ZNF841: variants seen among roughly 807,000 people sequenced by gnomAD.
ZNF841 encodes zinc finger protein 841, also known as TCONS_00006091.
In ZNF841, 11 loss-of-function variants were observed where a neutral mutation model predicts 13.0. The ratio of observed to expected loss-of-function variants is 0.85; its 90% CI spans 0.53 to 1.40. ZNF841 has a LOEUF of 1.40. ZNF841 is among the 40% of genes most tolerant of loss of function. The probability of loss-of-function intolerance (pLI) is 0.00; values close to 1 mark genes in which losing one functional copy is unlikely to be tolerated. For synonymous variants in ZNF841, 369 were observed against 381.6 expected (o/e 0.97, Z 0.38); for missense variants, 1,068 against 1,139.5 (o/e 0.94, Z 0.90).
At chr19:52,086,272 A>T (rs1036221803) in intron 3 of ZNF841, among the ~76,000 whole-genome samples, 2 of 152,158 alleles carry the variant, frequency 1.3e-5, no homozygotes, top group African/African-American at 4.8e-5. Context: ...TGGATGGATC[A>T]TGGGGGTGGA....
chr19:52,060,563 T>C (rs1274738100), downstream of ZNF841, among the ~76,000 whole-genome samples: 1 of 152,112 alleles, frequency 6.6e-6, no homozygotes, highest in East Asian at 1.9e-4. Context: ...TTCTCCTTTT[T>C]CAGTCTTTCA....
chr19:52,094,547 T>C (rs562450250), intron 1 of ZNF841, among the ~76,000 whole-genome samples: 13 of 152,130 alleles, frequency 8.5e-5, no homozygotes, highest in Non-Finnish European at 1.5e-4. Flanking sequence ...CACGTATTTC[T>C]GCCTCTTTTC....
At chr19:52,060,970 G>C (rs2087387176), downstream of ZNF841, among the ~76,000 whole-genome samples, 3 of 152,200 alleles carry the variant, frequency 2.0e-5, no homozygotes, top group Non-Finnish European at 4.4e-5. Flanking sequence ...CCTAAGTTGA[G>C]AGCGTTAAAG....
intron 1 of ZNF841, 51 bp from the exon 2 acceptor site, chr19:52,094,022 GCCAAAAAAAA>G (rs1254649003): frequency 2.0e-5 from 3 of 151,544 alleles, no homozygotes; most frequent in Non-Finnish European, 4.4e-5. Flanking sequence ...ACAGAACAAA[GCCAAAAAAAA>G]CACCAAAGAC....
intron 3 of ZNF841, among the ~76,000 whole-genome samples, chr19:52,087,015 T>C (rs1173494998): frequency 1.3e-5 from 2 of 152,172 alleles, no homozygotes; most frequent in Non-Finnish European, 2.9e-5. Flanking sequence ...GAAACACAGT[T>C]AATGGTATGT....
At position 52,065,312 on chromosome 19, in the gene ZNF841, G is replaced by T; in HGVS notation, c.2570C>A (p.Ala857Glu). The change falls in exon 7 of 7, where the codon GCG becomes GAG. Residue 857 changes from alanine to glutamate, a missense_variant. Transcript: ENST00000594440. ...AGTGAGGCAAGACCGCCGCCCAAACGCCTTGCCACATTCCATACATTTGTA... is the reference window on the plus strand; with the variant it reads ...AGTGAGGCAAGACCGCCGCCCAAACTCCTTGCCACATTCCATACATTTGTA... Reference protein sequence around the residue: ...KPYKCMECGKAFGRRSCLTKH... With the variant: ...KPYKCMECGKEFGRRSCLTKH... 6.2e-7 allele frequency: 1 copy of T among 1,611,770 alleles called. No individual in the cohort carries two copies. The highest frequency in any genetic ancestry group is 1.1e-5 in the South Asian group (1 of 90,910).
In ZNF841 at chr19:52,067,584, C is replaced by T. The variant is rs909572999; in HGVS notation, c.298G>A (p.Glu100Lys). The change falls in exon 7 of 7, where the codon GAA becomes AAA. Residue 100 changes from glutamate (E) to lysine (K), a missense_variant. Physicochemically the swap from Glu to Lys is moderately conservative, Grantham distance 56 (BLOSUM62 1). Coordinates refer to ENST00000594440, the MANE Select transcript of ZNF841 (RefSeq NM_001136499.2). ...TGISPKCVIK[E>K]LPPIQNSNTG... ...TTACTGTTCTGTATTGGTGGTAATT[C>T]CTTGATCACACATTTAGGAGAGATA... 4 of 1,545,404 alleles carry T rather than the reference C, an allele frequency of 2.6e-6. No homozygotes were observed. Among genetic ancestry groups the T allele is most frequent in the African/African-American group, 1.4e-5 (1 of 71,998 alleles).
In ZNF841 at chr19:52,067,305, C is replaced by T. The variant is rs1211608092; in HGVS notation, c.577G>A (p.Gly193Ser). Residue 193 changes from glycine to serine, a missense_variant, in exon 7 of 7, where the codon GGT becomes AGT. Physicochemically the swap from Gly to Ser is moderately conservative, Grantham distance 56. Transcript: ENST00000594440. ...GCAGTTTGAAATTTCTGCAATTCACCCAGACCGGACTGAAACCTTAATATA... is the reference window on the plus strand; with the variant it reads ...GCAGTTTGAAATTTCTGCAATTCACTCAGACCGGACTGAAACCTTAATATA... ...QLILRFQSGL[G>S]ELQKFQTAEK... 6.4e-7 allele frequency: 1 copy of T among 1,551,748 alleles called. No homozygotes were observed. Among genetic ancestry groups the T allele is most frequent in the South Asian group, 1.2e-5 (1 of 83,972 alleles).
intron 4 of ZNF841, among the ~76,000 whole-genome samples, chr19:52,082,924 C>CA (rs1240465893): frequency 6.6e-6 from 1 of 151,798 alleles, no homozygotes; most frequent in Non-Finnish European, 1.5e-5. Context: ...ACTAAAAATA[C>CA]AAAAAATTAA....
chr19:52,058,849 A>AT, the ZNF841 span: 246 of 152,406 alleles, frequency 1.6e-3, no homozygotes, highest in African/African-American at 5.7e-3. Flanking sequence ...TTATTTATTT[A>AT]TTATTTATTT....
chr19:52,075,678 T>C (rs972533527), intron 6 of ZNF841, among the ~76,000 whole-genome samples: 3 of 152,038 alleles, frequency 2.0e-5, no homozygotes, highest in Admixed American at 6.6e-5. Context: ...CTCCAATCTA[T>C]ATGGATCAGA....
intron 1 of ZNF841, among the ~76,000 whole-genome samples, chr19:52,094,684 C>T (rs2088613359): frequency 6.6e-6 from 1 of 151,932 alleles, no homozygotes; most frequent in African/African-American, 2.4e-5. Context: ...TCCCTCTACT[C>T]TGCTTGTCAC....
At chr19:52,076,347 T>C in intron 5 of ZNF841, 175 bp from the exon 6 acceptor site, 1 of 748,384 alleles carries the variant, frequency 1.3e-6, no homozygotes, top group Non-Finnish European at 2.0e-6. Context: ...TCTAGCTCTC[T>C]CCCAAGAAAT....
chr19:52,085,816 A>T (rs1451462800), intron 3 of ZNF841, among the ~76,000 whole-genome samples: 3 of 152,226 alleles, frequency 2.0e-5, no homozygotes, highest in Non-Finnish European at 4.4e-5. Flanking sequence ...GAGATGAGGT[A>T]TTCAAACATC....
Position 52,064,469 on chromosome 19 carries a change from G to A in ZNF841, c.*638C>T, listed in dbSNP as rs1320661812. 1 of 149,188 alleles carries A rather than the reference G, an allele frequency of 6.7e-6. No homozygotes were observed. Among genetic ancestry groups the A allele is most frequent in the Non-Finnish European group, 1.5e-5 (1 of 67,060 alleles). 9.2% of individuals were successfully genotyped at this position (149,188 alleles called of 1,614,324 possible). A position where few individuals can be genotyped will look rare whatever the true frequency, so the allele number is the denominator to read the frequency against. On this transcript the variant is annotated 3_prime_UTR_variant, in exon 7 of 7. Transcript: ENST00000594440. The stretch of plus-strand genomic sequence containing the variant: ...ACAGAAATACCTGAGGCTAGGTAAT[G>A]TATAAAGAGGTTTAATTGACTCACA...
At chr19:52,088,759 G>A (rs73054189) in intron 3 of ZNF841, among the ~76,000 whole-genome samples, 178 bp downstream of exon 3, 31,958 of 151,880 alleles carry the variant, frequency 0.21, 4,653 homozygotes, top group African/African-American at 0.41. Flanking sequence ...ATTGCAGACC[G>A]CAGTAAAAAT....
Position 52,076,087 on chromosome 19 carries a change from C to A in ZNF841, c.228G>T (p.Ala76=). 1.3e-6 allele frequency: 2 copies of A among 1,553,826 alleles called. No individual in the cohort carries two copies. The highest frequency in any genetic ancestry group is 1.7e-6 in the Non-Finnish European group (2 of 1,148,078). The change falls in exon 6 of 7, where the codon GCG becomes GCT. Residue 76 remains alanine (A), a synonymous_variant. Transcript: ENST00000594440. The part of the protein sequence containing the change: ...PWTVVSQVKI[A]RNPNCGECMK... ...TGCATTCCCCACAGTTTGGGTTCCT[C>A]GCTATTTTCACTTGGCTCACCACAG...
intron 4 of ZNF841, among the ~76,000 whole-genome samples, chr19:52,083,832 T>G (rs56170318): frequency 6.8e-6 from 1 of 146,300 alleles, no homozygotes; most frequent in Non-Finnish European, 1.5e-5. Context: ...TTTTTTTTTT[T>G]GCTTTTGTGG....
At chr19:52,074,536 A>G (rs2087834569) in intron 6 of ZNF841, among the ~76,000 whole-genome samples, 1 of 151,108 alleles carries the variant, frequency 6.6e-6, no homozygotes, top group Admixed American at 6.6e-5. Flanking sequence ...TTTTTTTTTG[A>G]GACAAAGTCT....
Sources: allele counts gnomAD v4.1 joint callset (sites outside exome capture counted in the v4.1 genomes callset), GRCh38; gene constraint gnomAD v4.1.1; transcripts MANE v1.5; gene names NCBI Gene and HGNC (gene_info 2026-07-23, HGNC 2026-07-21).